The following GSG1L variants were observed in gnomAD, a reference collection of about 807,000 sequenced individuals.
The protein encoded by GSG1L is GSG1 like, also known as germ cell-specific gene 1-like protein.
In GSG1L, 24 loss-of-function variants were observed where a neutral mutation model predicts 42.1. The ratio of observed to expected loss-of-function variants is 0.57; its 90% CI spans 0.41 to 0.80. The LOEUF (loss-of-function observed/expected upper bound fraction) is 0.80. Ranked by LOEUF, GSG1L falls within the 30% of genes least tolerant of loss-of-function variation. GSG1L has a pLI of 0.00. For synonymous variants in GSG1L, 215 were observed against 203.5 expected (o/e 1.06, Z -0.48); for missense variants, 445 against 472.2 (o/e 0.94, Z 0.53).
chr16:28,012,919 A>G (rs1245631764), intron 1 of GSG1L, among the ~76,000 whole-genome samples: 1 of 150,992 alleles, frequency 6.6e-6, no homozygotes, highest in African/African-American at 2.4e-5. Context: ...AGTTACTTCA[A>G]TGCAATTTAT....
intron 1 of GSG1L, among the ~76,000 whole-genome samples, chr16:28,056,661 C>T (rs1468446559): frequency 2.0e-5 from 3 of 152,018 alleles, no homozygotes; most frequent in Non-Finnish European, 4.4e-5. Context: ...CCCTGTCACA[C>T]GGTGCTGCCT....
chr16:27,932,130 G>A (rs1369470643), intron 2 of GSG1L, among the ~76,000 whole-genome samples: 2 of 152,152 alleles, frequency 1.3e-5, no homozygotes, highest in Middle Eastern at 3.2e-3. Context: ...TCGGCTCACT[G>A]CAGCCTCTGT....
chr16:27,967,374 G>A (rs2085147155), intron 1 of GSG1L, among the ~76,000 whole-genome samples: 1 of 152,188 alleles, frequency 6.6e-6, no homozygotes, highest in Non-Finnish European at 1.5e-5. Flanking sequence ...TCTTATTTAT[G>A]TCACTCCTTC....
intron 3 of GSG1L, among the ~76,000 whole-genome samples, chr16:27,861,988 C>G (rs1364505586): frequency 6.6e-6 from 1 of 152,160 alleles, no homozygotes; most frequent in African/African-American, 2.4e-5. Flanking sequence ...TGACCCAACC[C>G]AAGTGGACGG....
At chr16:27,928,899 G>A (rs2084626599) in intron 2 of GSG1L, among the ~76,000 whole-genome samples, 1 of 152,204 alleles carries the variant, frequency 6.6e-6, no homozygotes, top group South Asian at 2.1e-4. Flanking sequence ...TTACAAACTA[G>A]CAGACTGAAA....
chr16:27,941,309 A>G (rs2084791438), intron 2 of GSG1L, among the ~76,000 whole-genome samples: 1 of 151,906 alleles, frequency 6.6e-6, no homozygotes, highest in African/African-American at 2.4e-5. Flanking sequence ...CTTACCACCA[A>G]CAAAAAAACA....
At chr16:27,987,587 C>G (rs77336800) in intron 1 of GSG1L, among the ~76,000 whole-genome samples, 10,001 of 152,270 alleles carry the variant, frequency 0.066, 420 homozygotes, top group East Asian at 0.11. Flanking sequence ...CAAGCCCTGC[C>G]TTTCATAGCC....
chr16:27,957,973 C>A (rs562709289), intron 2 of GSG1L, among the ~76,000 whole-genome samples: 22 of 152,120 alleles, frequency 1.4e-4, no homozygotes, highest in African/African-American at 5.3e-4. Flanking sequence ...TGAGAATTCA[C>A]GCATTACCAA....
chr16:27,861,193 C>A (rs983296450), intron 3 of GSG1L, among the ~76,000 whole-genome samples: 5 of 152,100 alleles, frequency 3.3e-5, no homozygotes, highest in African/African-American at 1.2e-4. Context: ...CATGGTGAAA[C>A]CCCGTCTCTA....
At chr16:27,993,338 C>T (rs1309506655) in intron 1 of GSG1L, among the ~76,000 whole-genome samples, 2 of 152,158 alleles carry the variant, frequency 1.3e-5, no homozygotes, top group Non-Finnish European at 2.9e-5. Flanking sequence ...TTAGTAGAGA[C>T]AGAGTTTCAC....
Position 27,963,145 on chromosome 16 carries a change from G to A in GSG1L, c.397+11C>T, listed in dbSNP as rs777800502. Reference sequence around the variant, plus strand: ...GCAGAGCTGCCACAGCTCAGCTGGGGTCACACTCACCTTTCTCCGATGCCG... The same window carrying A: ...GCAGAGCTGCCACAGCTCAGCTGGGATCACACTCACCTTTCTCCGATGCCG... On this transcript the variant is annotated intron_variant, in intron 2 of 6. Transcript: ENST00000447459. The A allele has an allele frequency of 3.7e-6, 6 of 1,611,822 alleles. No homozygotes were observed. The Admixed American group carries it at 1.0e-4, about 27-fold the overall frequency.
intron 2 of GSG1L, among the ~76,000 whole-genome samples, chr16:27,914,980 T>C (rs1177658353): frequency 6.6e-6 from 1 of 152,110 alleles, no homozygotes; most frequent in Non-Finnish European, 1.5e-5. Flanking sequence ...ACTGCTCCCA[T>C]GTCATTTGTG....
chr16:27,986,695 G>T lies in GSG1L; in HGVS notation c.350-23492C>A, dbSNP rs1406827980. Among the ~76,000 whole-genome samples, 5 of 152,160 alleles carry T rather than the reference G, an allele frequency of 3.3e-5. No homozygotes were observed. The East Asian group carries it at 9.7e-4, about 29-fold the overall frequency. ...GTACACTGTCCTTTGCACTGTCCGTGGTGCTTCTTTCTTTTGGGGGACCCA... is the reference window on the plus strand; with the variant it reads ...GTACACTGTCCTTTGCACTGTCCGTTGTGCTTCTTTCTTTTGGGGGACCCA... On this transcript the variant is annotated intron_variant, in intron 1 of 6. Transcript: ENST00000447459.
At chr16:27,915,846 G>C (rs575620361) in intron 2 of GSG1L, among the ~76,000 whole-genome samples, 1 of 152,278 alleles carries the variant, frequency 6.6e-6, no homozygotes, top group Non-Finnish European at 1.5e-5. Context: ...CCACAGCAGA[G>C]AGGTTAAAGG....
chr16:28,019,850 T>C (rs559600078), intron 1 of GSG1L, among the ~76,000 whole-genome samples: 28 of 152,304 alleles, frequency 1.8e-4, no homozygotes, highest in Non-Finnish European at 4.0e-4. Context: ...TGTGCACTCC[T>C]GTTTGCCACA....
intron 2 of GSG1L, among the ~76,000 whole-genome samples, chr16:27,947,079 C>A (rs936056594): frequency 1.4e-4 from 22 of 152,282 alleles, no homozygotes; most frequent in African/African-American, 5.1e-4. Flanking sequence ...CTCTCAAAGC[C>A]CTGCATCTAA....
At chr16:27,931,743 G>A (rs73519082) in intron 2 of GSG1L, among the ~76,000 whole-genome samples, 1,885 of 152,274 alleles carry the variant, frequency 0.012, 45 homozygotes, top group African/African-American at 0.043. Context: ...ACAGGCCTGA[G>A]GATGTTCTCT....
chr16:27,816,190 T>C (rs2083091311), intron 5 of GSG1L, among the ~76,000 whole-genome samples: 1 of 152,184 alleles, frequency 6.6e-6, no homozygotes, highest in South Asian at 2.1e-4. Flanking sequence ...CACTATCCGG[T>C]GCCCCCTCCC....
At position 28,040,216 on chromosome 16, in the gene GSG1L, C is replaced by A. The variant is rs1476250454; in HGVS notation, c.349+22860G>T. Among the ~76,000 whole-genome samples, 3 of 152,172 alleles carry A rather than the reference C, an allele frequency of 2.0e-5. No individual in the cohort carries two copies. The highest frequency in any genetic ancestry group is 4.4e-5 in the Non-Finnish European group (3 of 68,024). ...AGCCATTCACGCCTCCCTTCAGGTC[C>A]CTCTCCCACCCGAGGGCCTTTTCAC... On this transcript the variant is annotated intron_variant, in intron 1 of 6. Coordinates refer to ENST00000447459, the MANE Select transcript of GSG1L (RefSeq NM_001109763.2). This position sits in a 1 kb window ranked among gnomAD's most constrained non-coding sequence, Gnocchi z 4.1.
Sources: allele counts gnomAD v4.1 joint callset (sites outside exome capture counted in the v4.1 genomes callset), GRCh38; gene constraint gnomAD v4.1.1; non-coding constraint Gnocchi (gnomAD v3.1); transcripts MANE v1.5; gene names NCBI Gene and HGNC (gene_info 2026-07-23, HGNC 2026-07-21).